Variants in TENM3 observed in about 807,000 individuals in gnomAD.
The protein encoded by TENM3 is teneurin transmembrane protein 3.
A neutral mutation model predicts 255.1 loss-of-function variants in TENM3; 63 were observed. The observed-to-expected ratio is 0.25, with a 90% CI of 0.20 to 0.30. TENM3 has a LOEUF of 0.30. TENM3 is among the 10% of genes least tolerant of loss of function. The probability of loss-of-function intolerance (pLI) is 1.00; values close to 1 mark genes in which losing one functional copy is unlikely to be tolerated. For synonymous variants in TENM3, 1,306 were observed against 1,322.3 expected (o/e 0.99, Z 0.27); for missense variants, 2,929 against 3,461.1 (o/e 0.85, Z 3.86).
the TENM3 span, among the ~76,000 whole-genome samples, chr4:181,566,666 G>A: frequency 3.3e-5 from 5 of 152,102 alleles, no homozygotes; most frequent in African/African-American, 1.2e-4. Context: ...AGGCCCGTCT[G>A]GTTTTCAGCT....
chr4:182,365,321 C>T (rs956389612), intron 3 of TENM3, among the ~76,000 whole-genome samples: 2 of 152,224 alleles, frequency 1.3e-5, no homozygotes, highest in Non-Finnish European at 2.9e-5. Context: ...AGCACAGTGA[C>T]TCTGCTTTTT....
At chr4:182,570,836 AAAAAC>A (rs1275246551) in intron 3 of TENM3, among the ~76,000 whole-genome samples, 8 of 151,996 alleles carry the variant, frequency 5.3e-5, no homozygotes, top group African/African-American at 1.4e-4. Context: ...TGTCAAAAAA[AAAAAC>A]AAAACAAACA....
chr4:181,643,163 T>A, the TENM3 span, among the ~76,000 whole-genome samples: 90 of 152,288 alleles, frequency 5.9e-4, no homozygotes, highest in East Asian at 0.016. Context: ...GTTTTTCCGT[T>A]TATTTGTGTC....
At chr4:182,367,730 G>A (rs919525269) in intron 3 of TENM3, among the ~76,000 whole-genome samples, 3 of 152,174 alleles carry the variant, frequency 2.0e-5, no homozygotes, top group African/African-American at 7.2e-5. Flanking sequence ...TTGCAGGAGA[G>A]TTGAGACTGA....
chr4:182,729,028 A>G lies in TENM3; in HGVS notation c.2432A>G (p.Tyr811Cys), dbSNP rs748187716. The change falls in exon 14 of 28, where the codon TAT becomes TGT. Residue 811 changes from tyrosine to cysteine, a missense_variant. Physicochemically the swap from Tyr to Cys is radical, Grantham distance 194. Around this residue, in one of 6 missense-constraint regions of TENM3, gnomAD observed 1,608 missense variants for 1,884.4 expected, o/e 0.85. Transcript: ENST00000511685. ...CLQSSCQNQP[Y>C]CRGLPDPQDI... ...CAGAGTTCCTGCCAGAATCAGCCCTATTGTCGGGGACTGCCGGATCCTCAG... is the reference window on the plus strand; with the variant it reads ...CAGAGTTCCTGCCAGAATCAGCCCTGTTGTCGGGGACTGCCGGATCCTCAG... 8 of 1,613,956 alleles carry G rather than the reference A, an allele frequency of 5.0e-6. No homozygotes were observed. The highest frequency in any genetic ancestry group is 2.2e-5 in the South Asian group (2 of 91,080).
intron 11 of TENM3, among the ~76,000 whole-genome samples, chr4:182,683,741 C>T (rs1357615387): frequency 2.6e-5 from 4 of 151,912 alleles, no homozygotes; most frequent in Non-Finnish European, 5.9e-5. Flanking sequence ...GGAAAACTGT[C>T]CTGTAGATAA....
chr4:181,616,369 G>GAT, the TENM3 span, among the ~76,000 whole-genome samples: 19 of 131,562 alleles, frequency 1.4e-4, no homozygotes, highest in Middle Eastern at 4.5e-3. Context: ...ATATCAATAG[G>GAT]ATATATATAT....
the TENM3 span, among the ~76,000 whole-genome samples, chr4:181,514,971 G>A: frequency 1.3e-5 from 2 of 152,172 alleles, no homozygotes; most frequent in Non-Finnish European, 2.9e-5. Flanking sequence ...GCCAAACGAT[G>A]TTAGGTGAAT....
chr4:182,295,241 G>T (rs1410378746), intron 1 of TENM3, among the ~76,000 whole-genome samples: 2 of 149,294 alleles, frequency 1.3e-5, no homozygotes, highest in East Asian at 3.9e-4. Flanking sequence ...GGAAACAAGT[G>T]GTATATGTGC....
At chr4:182,188,210 T>C (rs1168583951) in intron 1 of TENM3, among the ~76,000 whole-genome samples, 1 of 152,200 alleles carries the variant, frequency 6.6e-6, no homozygotes, top group African/African-American at 2.4e-5. Context: ...AAATGAGTGC[T>C]TTTGAGAGTC....
At chr4:181,644,264 T>A in the TENM3 span, among the ~76,000 whole-genome samples, 10 of 151,884 alleles carry the variant, frequency 6.6e-5, no homozygotes, top group African/African-American at 2.4e-4. Flanking sequence ...TTTCTGATTA[T>A]GAACAGAAGG....
At chr4:181,718,493 G>T in the TENM3 span, among the ~76,000 whole-genome samples, 1 of 152,116 alleles carries the variant, frequency 6.6e-6, no homozygotes, top group East Asian at 1.9e-4. Flanking sequence ...TCCTATAGTG[G>T]ATTTTAGCCT....
chr4:182,719,268 T>TTC (rs1759477234), intron 13 of TENM3, among the ~76,000 whole-genome samples: 1 of 134,714 alleles, frequency 7.4e-6, no homozygotes, highest in Non-Finnish European at 1.6e-5. Context: ...TTTTTTTTTT[T>TTC]TTTTTTTTTT....
At chr4:181,802,864 C>A in the TENM3 span, among the ~76,000 whole-genome samples, 1 of 152,150 alleles carries the variant, frequency 6.6e-6, no homozygotes, top group Non-Finnish European at 1.5e-5. Context: ...GCTTAATACA[C>A]ACTAATATCA....
At position 182,628,986 on chromosome 4, in the gene TENM3, A is replaced by G. The variant is rs1323296317; in HGVS notation, c.988+97A>G. 9.2e-6 allele frequency: 7 copies of G among 761,672 alleles called. No individual in the cohort carries two copies. The East Asian group carries it at 1.9e-4, about 21-fold the overall frequency. 47.2% of individuals were successfully genotyped at this position (761,672 alleles called of 1,614,324 possible). On this transcript the variant is annotated intron_variant, in intron 5 of 27. Coordinates refer to ENST00000511685, the MANE Select transcript of TENM3 (RefSeq NM_001080477.4). Reference sequence around the variant, plus strand: ...TCATTTGGTCTAGAAATATATTGTGAGATTATATTTGGTGGGGGTGAGTTT... The same window carrying G: ...TCATTTGGTCTAGAAATATATTGTGGGATTATATTTGGTGGGGGTGAGTTT...
chr4:181,730,006 A>T, the TENM3 span, among the ~76,000 whole-genome samples: 1 of 152,190 alleles, frequency 6.6e-6, no homozygotes, highest in South Asian at 2.1e-4. Context: ...AGCCAGGAAG[A>T]GACAGTCTCT....
intron 3 of TENM3, among the ~76,000 whole-genome samples, chr4:182,362,821 C>T (rs1055248277): frequency 6.6e-6 from 1 of 152,198 alleles, no homozygotes; most frequent in Non-Finnish European, 1.5e-5. Flanking sequence ...GCATCGCTTA[C>T]GCTGGGAGCT....
chr4:182,128,525 A>G, the TENM3 span, among the ~76,000 whole-genome samples: 30 of 152,038 alleles, frequency 2.0e-4, 1 homozygote, highest in Non-Finnish European at 3.8e-4. Flanking sequence ...TTTCTTTTCA[A>G]CAGTTTTAAC....
At chr4:181,894,788 T>C in the TENM3 span, among the ~76,000 whole-genome samples, 4 of 151,804 alleles carry the variant, frequency 2.6e-5, no homozygotes, top group South Asian at 2.1e-4. Context: ...TAGAATGATA[T>C]GTAAGAATTC....
Sources: gnomAD v4.1 joint callset for allele counts (sites outside exome capture counted in the v4.1 genomes callset) on GRCh38, gnomAD v4.1.1 for gene constraint, gnomAD v4.1.1 regional missense constraint, MANE v1.5 for transcripts, NCBI Gene and HGNC (gene_info 2026-07-23, HGNC 2026-07-21) for gene names.